The following GRID1 variants were observed in gnomAD, a reference collection of about 807,000 sequenced individuals.
GRID1 encodes glutamate ionotropic receptor delta type subunit 1.
In GRID1, 28 loss-of-function variants were observed where a neutral mutation model predicts 98.0. The observed-to-expected ratio is 0.29, with a 90% confidence interval of 0.21 to 0.39. GRID1 has a LOEUF of 0.39. Among genes scored for constraint, GRID1 ranks in the 10% least tolerant of loss-of-function variants. GRID1 has a pLI of 1.00. For missense variants in GRID1, 1,111 were observed against 1,340.5 expected, an observed-to-expected ratio of 0.83 and a Z score of 2.67; for synonymous variants, 553 against 538.5, an observed-to-expected ratio of 1.03 and a Z score of -0.37.
chr10:85,951,280 T>C (rs1057306046), intron 4 of GRID1, among the ~76,000 whole-genome samples: 1 of 152,144 alleles, frequency 6.6e-6, no homozygotes, highest in Non-Finnish European at 1.5e-5. Context: ...GAATTAATAA[T>C]TGAATGTGAT....
At chr10:86,189,641 A>G (rs529013542) in intron 3 of GRID1, among the ~76,000 whole-genome samples, 1 of 152,230 alleles carries the variant, frequency 6.6e-6, no homozygotes, top group South Asian at 2.1e-4. Context: ...GTTACCTACT[A>G]TTGACACTTG....
intron 8 of GRID1, among the ~76,000 whole-genome samples, chr10:85,827,508 G>C (rs1842830670): frequency 6.6e-6 from 1 of 152,090 alleles, no homozygotes; most frequent in African/African-American, 2.4e-5. Flanking sequence ...CCAAATCTAT[G>C]ACTCATAGGC....
At chr10:85,892,782 T>C (rs976382322) in intron 5 of GRID1, among the ~76,000 whole-genome samples, 3 of 152,054 alleles carry the variant, frequency 2.0e-5, no homozygotes, top group Admixed American at 6.6e-5. Context: ...CATGCATTTA[T>C]GGAAGAAAGA....
intron 12 of GRID1, among the ~76,000 whole-genome samples, chr10:85,697,304 G>A (rs1564562974): frequency 3.2e-5 from 1 of 30,840 alleles, no homozygotes. Flanking sequence ...GCTCCATTTT[G>A]TGCATAAATA....
At chr10:86,004,958 C>T (rs1842843543) in intron 4 of GRID1, among the ~76,000 whole-genome samples, 1 of 152,214 alleles carries the variant, frequency 6.6e-6, no homozygotes, top group African/African-American at 2.4e-5. Context: ...TCATTGATTC[C>T]ATTTTATAAG....
At chr10:85,697,910 G>A (rs1328984205) in intron 12 of GRID1, among the ~76,000 whole-genome samples, 8 of 152,074 alleles carry the variant, frequency 5.3e-5, no homozygotes, top group Admixed American at 2.0e-4. Flanking sequence ...TTATGCCAGC[G>A]ATGCTGGTCT....
In GRID1 at chr10:85,728,461, G is replaced by A. The variant is rs140122310; in HGVS notation, c.1336-409C>T. Reference sequence around the variant, plus strand: ...CTTCTCATCCAGGATAGTAAGTGGCGATAAAGCTCTGTGACATTAGGTTGA... The same window carrying A: ...CTTCTCATCCAGGATAGTAAGTGGCAATAAAGCTCTGTGACATTAGGTTGA... On this transcript the variant is annotated intron_variant, in intron 9 of 15. Transcript: ENST00000327946. Among the ~76,000 whole-genome samples the A allele has an allele frequency of 4.7e-3, 710 of 152,264 alleles. 7 individuals carry two copies. Among genetic ancestry groups the A allele is most frequent in the African/African-American group, 0.016 (685 of 41,536 alleles).
At chr10:86,255,778 T>C (rs995446475) in intron 2 of GRID1, among the ~76,000 whole-genome samples, 2 of 152,184 alleles carry the variant, frequency 1.3e-5, no homozygotes, top group South Asian at 4.1e-4. Context: ...TCACTTGTGC[T>C]GGGCTGAGTC....
At chr10:86,285,824 A>G (rs901323266) in intron 2 of GRID1, among the ~76,000 whole-genome samples, 4 of 152,240 alleles carry the variant, frequency 2.6e-5, no homozygotes, top group Non-Finnish European at 5.9e-5. Context: ...AAGTGAAACA[A>G]TGTATAATGG....
At chr10:85,698,436 A>G (rs971829508) in intron 12 of GRID1, among the ~76,000 whole-genome samples, 1 of 152,184 alleles carries the variant, frequency 6.6e-6, no homozygotes, top group Non-Finnish European at 1.5e-5. Flanking sequence ...TTATCATAAA[A>G]TGTTCACTTA....
At chr10:86,014,826 C>T (rs1310319999) in intron 4 of GRID1, among the ~76,000 whole-genome samples, 1 of 152,196 alleles carries the variant, frequency 6.6e-6, no homozygotes, top group Non-Finnish European at 1.5e-5. Flanking sequence ...GCCACGCTGG[C>T]CTCTTATCTG....
intron 8 of GRID1, among the ~76,000 whole-genome samples, chr10:85,731,974 G>A (rs1841831327): frequency 6.6e-6 from 1 of 152,028 alleles, no homozygotes; most frequent in African/African-American, 2.4e-5. Flanking sequence ...AAAAGGAAAG[G>A]AAAGGAAGAA....
chr10:86,107,385 G>A (rs542159902), intron 4 of GRID1, among the ~76,000 whole-genome samples: 55 of 152,302 alleles, frequency 3.6e-4, no homozygotes, highest in South Asian at 6.2e-4. Flanking sequence ...TGGCAGGTAC[G>A]ATGTACAAGC....
chr10:85,706,969 G>T (rs982791254), intron 12 of GRID1, among the ~76,000 whole-genome samples: 10 of 152,120 alleles, frequency 6.6e-5, no homozygotes, highest in African/African-American at 2.4e-4. Context: ...ATTCAAGATG[G>T]ATTAAAGACT....
At position 85,680,213 on chromosome 10, in the gene GRID1, C is replaced by A. The variant is rs188004903; in HGVS notation, c.1998-32816G>T. Among the ~76,000 whole-genome samples the A allele has an allele frequency of 4.7e-4, 71 of 152,306 alleles. No homozygotes were observed. In the Middle Eastern group the frequency reaches 0.014, roughly 29 times the overall value. Reference sequence around the variant, plus strand: ...ACCCAGAAGGGCCCAGCTTAACACCCTTTGCCCTCCTCCTCTTTCCAGGTC... The same window carrying A: ...ACCCAGAAGGGCCCAGCTTAACACCATTTGCCCTCCTCCTCTTTCCAGGTC... On this transcript the variant is annotated intron_variant, in intron 12 of 15. Coordinates refer to ENST00000327946, the MANE Select transcript of GRID1 (RefSeq NM_017551.3).
intron 8 of GRID1, among the ~76,000 whole-genome samples, chr10:85,838,773 G>A (rs1052241781): frequency 7.9e-5 from 12 of 152,070 alleles, no homozygotes; most frequent in African/African-American, 2.7e-4. Flanking sequence ...ACATAATGAT[G>A]ACAAGATCAA....
chr10:85,896,627 A>G (rs2131812863), intron 5 of GRID1, among the ~76,000 whole-genome samples: 1 of 152,388 alleles, frequency 6.6e-6, no homozygotes, highest in East Asian at 1.9e-4. Flanking sequence ...CAATCAAGAA[A>G]TATTAAAAGT....
At chr10:86,218,421 T>A (rs1336718497) in intron 2 of GRID1, among the ~76,000 whole-genome samples, 1 of 152,032 alleles carries the variant, frequency 6.6e-6, no homozygotes, top group Non-Finnish European at 1.5e-5. Context: ...CAAAACTCAC[T>A]CCTTGGCCAG....
intron 2 of GRID1, among the ~76,000 whole-genome samples, chr10:86,354,537 A>T (rs1248189273): frequency 6.6e-6 from 1 of 152,176 alleles, no homozygotes; most frequent in Middle Eastern, 3.2e-3. Flanking sequence ...TCCTCTCTAG[A>T]TCCACCACCA....
Sources: gnomAD v4.1 joint callset for allele counts (sites outside exome capture counted in the v4.1 genomes callset) on GRCh38, gnomAD v4.1.1 for gene constraint, MANE v1.5 for transcripts, NCBI Gene and HGNC (gene_info 2026-07-23, HGNC 2026-07-21) for gene names.